Variants in RAD51B observed in about 807,000 individuals in gnomAD.
RAD51B encodes the protein RAD51 paralog B.
RAD51B carries 38 observed loss-of-function variants against 42.2 expected under a neutral mutation model. The observed-to-expected ratio is 0.90, with a 90% CI of 0.70 to 1.18. The LOEUF is 1.18. Among genes scored for constraint, RAD51B ranks in the 50% most tolerant of loss-of-function variants. The probability of loss-of-function intolerance (pLI) is 0.00; values close to 1 mark genes in which losing one functional copy is unlikely to be tolerated. For synonymous variants in RAD51B, 154 were observed against 145.2 expected, an observed-to-expected ratio of 1.06 and a Z score of -0.43; for missense variants, 373 against 400.7, an observed-to-expected ratio of 0.93 and a Z score of 0.59.
At chr14:68,317,742 G>A (rs1163026211) in intron 8 of RAD51B, among the ~76,000 whole-genome samples, 3 of 152,198 alleles carry the variant, frequency 2.0e-5, no homozygotes, top group African/African-American at 4.8e-5. Flanking sequence ...GGGAAGAATT[G>A]CATTTGAGTT....
At chr14:68,658,360 T>C (rs1416579215) in intron 11 of RAD51B, among the ~76,000 whole-genome samples, 1 of 152,200 alleles carries the variant, frequency 6.6e-6, no homozygotes, top group Non-Finnish European at 1.5e-5. Flanking sequence ...CCTGTCCTCA[T>C]GGTGCATGGC....
chr14:67,921,416 C>A (rs114033554), intron 7 of RAD51B, among the ~76,000 whole-genome samples: 1,733 of 152,176 alleles, frequency 0.011, 24 homozygotes, highest in Middle Eastern at 0.044. Context: ...ATTATTGTAA[C>A]CAATTTATTG....
chr14:68,136,645 C>T (rs2078019926), intron 7 of RAD51B, among the ~76,000 whole-genome samples: 1 of 56,256 alleles, frequency 1.8e-5, no homozygotes, highest in African/African-American at 3.9e-5. Flanking sequence ...GTAACAAACA[C>T]ATACTGCTTA....
chr14:68,092,672 C>T (rs1386166188), intron 7 of RAD51B, among the ~76,000 whole-genome samples: 1 of 152,110 alleles, frequency 6.6e-6, no homozygotes, highest in African/African-American at 2.4e-5. Context: ...TCCCCTTTTC[C>T]TAATTGAATA....
At chr14:68,018,593 C>T (rs937359236) in intron 7 of RAD51B, among the ~76,000 whole-genome samples, 1 of 152,086 alleles carries the variant, frequency 6.6e-6, no homozygotes, top group African/African-American at 2.4e-5. Flanking sequence ...GTAGGAATTC[C>T]CGGAACTTCT....
intron 7 of RAD51B, among the ~76,000 whole-genome samples, chr14:68,021,164 T>C (rs1258735038): frequency 6.6e-6 from 1 of 152,206 alleles, no homozygotes; most frequent in Non-Finnish European, 1.5e-5. Context: ...TTTGTTTTTT[T>C]CACATATAAT....
At chr14:67,970,594 A>T (rs2074877062) in intron 7 of RAD51B, among the ~76,000 whole-genome samples, 1 of 152,012 alleles carries the variant, frequency 6.6e-6, no homozygotes. Flanking sequence ...AGAAAGTCAT[A>T]TGTAAAATTT....
intron 7 of RAD51B, among the ~76,000 whole-genome samples, chr14:68,115,045 G>A (rs1287665623): frequency 1.4e-5 from 2 of 143,942 alleles, no homozygotes; most frequent in East Asian, 4.0e-4. Context: ...CCATTACTGG[G>A]TATATACCCA....
chr14:68,418,829 A>C (rs1203831624), intron 9 of RAD51B, among the ~76,000 whole-genome samples: 1 of 152,200 alleles, frequency 6.6e-6, no homozygotes, highest in East Asian at 1.9e-4. Context: ...GGGCAACCTC[A>C]TTGGCTAGGG....
chr14:68,359,318 T>C (rs1753896248), intron 8 of RAD51B, among the ~76,000 whole-genome samples: 1 of 152,066 alleles, frequency 6.6e-6, no homozygotes. Flanking sequence ...CCCAGAAAGC[T>C]CATAAAGTCT....
chr14:68,334,532 A>G (rs1315818640), intron 8 of RAD51B, among the ~76,000 whole-genome samples: 1 of 152,160 alleles, frequency 6.6e-6, no homozygotes, highest in Non-Finnish European at 1.5e-5. Context: ...TAGGAGAGAC[A>G]GGTTGGAGTA....
intron 7 of RAD51B, among the ~76,000 whole-genome samples, chr14:68,249,258 T>C (rs369416836): frequency 9.2e-5 from 14 of 152,366 alleles, no homozygotes; most frequent in African/African-American, 3.4e-4. Flanking sequence ...CTGTCTTTCA[T>C]GTTGTGAAGA....
At chr14:68,648,093 G>GTATATATATATATACACACACGTA (rs1286172163) in intron 10 of RAD51B, among the ~76,000 whole-genome samples, 3 of 15,698 alleles carry the variant, frequency 1.9e-4, no homozygotes, top group African/African-American at 4.1e-4. Flanking sequence ...ATACGTGTGT[G>GTATATATATATATACACACACGTA]TATATATATA....
intron 10 of RAD51B, chr14:68,470,381 G>C (rs1009323318): frequency 7.3e-6 from 3 of 410,112 alleles, no homozygotes; most frequent in Non-Finnish European, 1.4e-5. Context: ...CCTTCTTGCT[G>C]TGTGCTCCCA....
intron 8 of RAD51B, chr14:68,306,751 C>G (rs935790789): frequency 7.3e-6 from 3 of 408,170 alleles, no homozygotes; most frequent in African/African-American, 6.0e-5. Context: ...GATGAACTTG[C>G]ATGGCCGAAG....
intron 7 of RAD51B, among the ~76,000 whole-genome samples, chr14:68,212,994 T>C (rs968970717): frequency 6.6e-6 from 1 of 152,190 alleles, no homozygotes; most frequent in Admixed American, 6.5e-5. Flanking sequence ...ACTGGCAGTT[T>C]TGACCTGATG....
intron 10 of RAD51B, among the ~76,000 whole-genome samples, chr14:68,513,706 C>T (rs8005466): frequency 0.025 from 3,847 of 152,260 alleles, 153 homozygotes; most frequent in African/African-American, 0.088. Context: ...CTCAATCAGC[C>T]CCACAACACA....
chr14:67,922,772 A>G (rs2044369457), intron 7 of RAD51B, among the ~76,000 whole-genome samples: 1 of 150,048 alleles, frequency 6.7e-6, no homozygotes, highest in Admixed American at 6.6e-5. Context: ...GCTCACTACA[A>G]CCTCCACCTC....
chr14:68,117,119 G>A (rs530062756), intron 7 of RAD51B, among the ~76,000 whole-genome samples: 5 of 152,138 alleles, frequency 3.3e-5, no homozygotes, highest in Admixed American at 6.5e-5. Context: ...ATCATAGAGC[G>A]TGCTCCTGCA....
Sources: gnomAD v4.1 joint callset for allele counts (sites outside exome capture counted in the v4.1 genomes callset) on GRCh38, gnomAD v4.1.1 for gene constraint, MANE v1.5 for transcripts, NCBI Gene and HGNC (gene_info 2026-07-23, HGNC 2026-07-21) for gene names.